The following ERBB4 variants were observed in gnomAD, a reference collection of about 807,000 sequenced individuals.
The protein encoded by ERBB4 is erb-b2 receptor tyrosine kinase 4, also known as receptor tyrosine-protein kinase erbB-4.
A neutral mutation model predicts 158.0 loss-of-function variants in ERBB4; 42 were observed. The observed-to-expected ratio is 0.27, with a 90% CI of 0.21 to 0.34. The LOEUF is 0.34. Among genes scored for constraint, ERBB4 ranks in the 10% least tolerant of loss-of-function variants. ERBB4 has a pLI of 1.00. For missense variants in ERBB4, 1,333 were observed against 1,624.1 expected (o/e 0.82, Z 3.08); for synonymous variants, 583 against 558.7 (o/e 1.04, Z -0.61).
intron 1 of ERBB4, among the ~76,000 whole-genome samples, chr2:212,275,532 A>G (rs544050558): frequency 6.6e-6 from 1 of 152,000 alleles, no homozygotes; most frequent in Admixed American, 6.6e-5. Context: ...AGTGATGATG[A>G]GCGTTTTTTC....
At chr2:212,479,257 C>T (rs1299248610) in intron 1 of ERBB4, among the ~76,000 whole-genome samples, 2 of 152,106 alleles carry the variant, frequency 1.3e-5, no homozygotes. Context: ...CCCCTGATTG[C>T]CTCTTTAAAG....
intron 1 of ERBB4, among the ~76,000 whole-genome samples, chr2:212,392,041 T>C (rs2090891717): frequency 6.6e-6 from 1 of 151,578 alleles, no homozygotes; most frequent in Non-Finnish European, 1.5e-5. Context: ...ACAGTTTTTA[T>C]TGGCACATTT....
chr2:212,176,510 T>A (rs964372729), intron 1 of ERBB4, among the ~76,000 whole-genome samples: 17 of 152,048 alleles, frequency 1.1e-4, no homozygotes, highest in Non-Finnish European at 1.8e-4. Context: ...GCTCTTTGAC[T>A]TCTTGGCCTC....
intron 2 of ERBB4, among the ~76,000 whole-genome samples, chr2:212,038,208 C>A (rs893925844): frequency 2.0e-5 from 3 of 151,736 alleles, no homozygotes; most frequent in Admixed American, 1.3e-4. Flanking sequence ...TTTATAAATA[C>A]AATATAAAAT....
chr2:211,770,822 C>T (rs2075673202), intron 4 of ERBB4, among the ~76,000 whole-genome samples: 1 of 152,134 alleles, frequency 6.6e-6, no homozygotes, highest in Non-Finnish European at 1.5e-5. Flanking sequence ...CTTTAAGTGC[C>T]TGTGATATAC....
At chr2:211,530,232 A>G (rs1484860552) in intron 20 of ERBB4, among the ~76,000 whole-genome samples, 1 of 152,154 alleles carries the variant, frequency 6.6e-6, no homozygotes, top group Non-Finnish European at 1.5e-5. Context: ...AGAAATTAAG[A>G]AAGTAATCAC....
intron 2 of ERBB4, among the ~76,000 whole-genome samples, chr2:212,076,756 G>C (rs780168743): frequency 4.0e-5 from 6 of 151,878 alleles, no homozygotes; most frequent in Non-Finnish European, 7.4e-5. Flanking sequence ...ACTGCTTGAA[G>C]AATGGCTTAC....
At chr2:211,928,993 A>G (rs1050427386) in intron 3 of ERBB4, among the ~76,000 whole-genome samples, 2 of 152,164 alleles carry the variant, frequency 1.3e-5, no homozygotes, top group Non-Finnish European at 2.9e-5. Context: ...GAAAATATAT[A>G]TGTCTCCTAA....
At chr2:211,678,424 T>C (rs2072188467) in intron 13 of ERBB4, among the ~76,000 whole-genome samples, 1 of 152,126 alleles carries the variant, frequency 6.6e-6, no homozygotes, top group South Asian at 2.1e-4. Flanking sequence ...AGATTACTTA[T>C]AACAATCCCC....
At chr2:211,587,567 G>T (rs1362232283) in intron 19 of ERBB4, among the ~76,000 whole-genome samples, 1 of 152,070 alleles carries the variant, frequency 6.6e-6, no homozygotes, top group African/African-American at 2.4e-5. Flanking sequence ...CTTAGAGGGA[G>T]CATGGCCCTG....
At chr2:211,512,957 T>G (rs1011933747) in intron 20 of ERBB4, among the ~76,000 whole-genome samples, 2 of 152,098 alleles carry the variant, frequency 1.3e-5, no homozygotes, top group East Asian at 3.8e-4. Context: ...CAAGTTTTCA[T>G]GATGAGGTCA....
intron 20 of ERBB4, among the ~76,000 whole-genome samples, chr2:211,435,048 CTG>C (rs2063820265): frequency 6.6e-6 from 1 of 152,206 alleles, no homozygotes; most frequent in African/African-American, 2.4e-5. Context: ...GAGTCACACT[CTG>C]TGCTAGATTC....
At chr2:211,391,868 G>A (rs924056075) in intron 25 of ERBB4, among the ~76,000 whole-genome samples, 4 of 151,794 alleles carry the variant, frequency 2.6e-5, no homozygotes, top group African/African-American at 7.3e-5. Context: ...ATCTACTTTC[G>A]GAGGAAACAA....
At chr2:212,277,907 C>CT (rs1294700993) in intron 1 of ERBB4, among the ~76,000 whole-genome samples, 3 of 151,442 alleles carry the variant, frequency 2.0e-5, no homozygotes, top group Non-Finnish European at 3.0e-5. Flanking sequence ...AAATTACATA[C>CT]TTTTTTATTT....
intron 1 of ERBB4, among the ~76,000 whole-genome samples, chr2:212,210,842 C>T (rs1238326769): frequency 6.6e-6 from 1 of 152,062 alleles, no homozygotes; most frequent in Non-Finnish European, 1.5e-5. Flanking sequence ...GCTCTTGGTT[C>T]TATATCTCCA....
intron 2 of ERBB4, among the ~76,000 whole-genome samples, chr2:212,019,459 G>A (rs2076598560): frequency 6.6e-6 from 1 of 151,962 alleles, no homozygotes; most frequent in African/African-American, 2.4e-5. Flanking sequence ...ACATGTAAAA[G>A]GGAAACAAGA....
intron 2 of ERBB4, among the ~76,000 whole-genome samples, chr2:211,948,476 C>G (rs1313324410): frequency 2.9e-5 from 4 of 139,146 alleles, no homozygotes; most frequent in African/African-American, 1.1e-4. Flanking sequence ...TAATTGTTGT[C>G]TATAAATTCA....
At chr2:211,732,075 A>C (rs2074443147) in intron 5 of ERBB4, among the ~76,000 whole-genome samples, 1 of 152,012 alleles carries the variant, frequency 6.6e-6, no homozygotes, top group South Asian at 2.1e-4. Context: ...ATATTTCCAA[A>C]CTTCTGCTCT....
At chr2:212,453,783 T>G (rs999233413) in intron 1 of ERBB4, among the ~76,000 whole-genome samples, 2 of 152,186 alleles carry the variant, frequency 1.3e-5, no homozygotes, top group African/African-American at 4.8e-5. Context: ...GACTACAGAT[T>G]TTAATCATGT....
Sources: allele counts gnomAD v4.1 joint callset (sites outside exome capture counted in the v4.1 genomes callset), GRCh38; gene constraint gnomAD v4.1.1; transcripts MANE v1.5; gene names NCBI Gene and HGNC (gene_info 2026-07-23, HGNC 2026-07-21).